RHEX: variants seen among roughly 807,000 people sequenced by gnomAD.
The protein encoded by RHEX is regulator of hemoglobinization and erythroid cell expansion protein.
In RHEX, 18 loss-of-function variants were observed where a neutral mutation model predicts 20.1. That is an observed-to-expected ratio of 0.90 (90% CI 0.62 to 1.33). The LOEUF (loss-of-function observed/expected upper bound fraction) is 1.33, where lower values mean the gene tolerates loss of function less well. Ranked by LOEUF, RHEX falls within the 40% of genes most tolerant of loss-of-function variation. The pLI, the probability that RHEX is intolerant of heterozygous loss-of-function variation, is 0.00. For synonymous variants in RHEX, 87 were observed against 77.1 expected, an observed-to-expected ratio of 1.13 and a Z score of -0.67; for missense variants, 192 against 214.3, an observed-to-expected ratio of 0.90 and a Z score of 0.65.
intron 1 of RHEX, among the ~76,000 whole-genome samples, chr1:206,054,812 G>A (rs1024878304): frequency 1.3e-5 from 2 of 152,200 alleles, no homozygotes; most frequent in Non-Finnish European, 2.9e-5. Flanking sequence ...AATCATACAA[G>A]AAACATTATT....
intron 1 of RHEX, among the ~76,000 whole-genome samples, chr1:206,077,309 G>A (rs1662653437): frequency 6.6e-6 from 1 of 152,206 alleles, no homozygotes; most frequent in Admixed American, 6.5e-5. Context: ...TTCAGAGTCT[G>A]TAAGTAAGCA....
intron 1 of RHEX, among the ~76,000 whole-genome samples, chr1:206,076,517 C>A (rs782012762): frequency 6.6e-6 from 1 of 152,206 alleles, no homozygotes; most frequent in South Asian, 2.1e-4. Context: ...CAGAGGCTCA[C>A]GCCCACGGCA....
rs533438710 is a variant in RHEX at position 206,062,639 on chromosome 1, G to A, written c.-97+9374G>A. On this transcript the variant is annotated intron_variant, in intron 1 of 5. Coordinates refer to ENST00000331555, the MANE Select transcript of RHEX (RefSeq NM_001007544.4). Reference sequence around the variant, plus strand: ...TGCCAGATGTGGAGGAGGAGGCATAGGGGGGCTGCAGGTGCCTGGGAAGTG... The same window carrying A: ...TGCCAGATGTGGAGGAGGAGGCATAAGGGGGCTGCAGGTGCCTGGGAAGTG... Among the ~76,000 whole-genome samples the A allele has an allele frequency of 2.0e-5, 3 of 146,720 alleles. No homozygotes were observed. In the East Asian group the frequency reaches 5.8e-4, roughly 28 times the overall value.
At chr1:206,071,973 G>A (rs1172238296) in intron 1 of RHEX, among the ~76,000 whole-genome samples, 2 of 152,086 alleles carry the variant, frequency 1.3e-5, no homozygotes, top group East Asian at 1.9e-4. Flanking sequence ...ATCAGTAGGC[G>A]TATTTTGCCA....
intron 1 of RHEX, among the ~76,000 whole-genome samples, chr1:206,074,047 C>A (rs28684505): frequency 0.13 from 19,234 of 152,074 alleles, 1,329 homozygotes; most frequent in South Asian, 0.2. Flanking sequence ...TCTATCTTGG[C>A]TGGCTCTCAG....
chr1:206,065,274 T>TAAAAAAA (rs59452601), intron 1 of RHEX, among the ~76,000 whole-genome samples: 4 of 141,726 alleles, frequency 2.8e-5, no homozygotes, highest in Non-Finnish European at 6.2e-5. Flanking sequence ...AATGATCAAT[T>TAAAAAAA]AAAAAAAAAA....
intron 1 of RHEX, among the ~76,000 whole-genome samples, chr1:206,086,329 TCTA>T (rs1280444253): frequency 6.6e-6 from 1 of 152,174 alleles, no homozygotes; most frequent in East Asian, 1.9e-4. Context: ...TGCCAGGCCC[TCTA>T]CTGAGCATTT....
chr1:206,064,613 G>C (rs1662383169), intron 1 of RHEX, among the ~76,000 whole-genome samples: 2 of 143,586 alleles, frequency 1.4e-5, no homozygotes, highest in African/African-American at 5.2e-5. Flanking sequence ...GAAGTGAGGA[G>C]CCCCTCTGCC....
Position 206,067,810 on chromosome 1 carries a change from C to T in RHEX, c.-97+14545C>T, listed in dbSNP as rs1553284305. Among the ~76,000 whole-genome samples the T allele has an allele frequency of 6.6e-6, 1 of 152,218 alleles. No homozygotes were observed. Among genetic ancestry groups the T allele is most frequent in the African/African-American group, 2.4e-5 (1 of 41,440 alleles). On this transcript the variant is annotated intron_variant, in intron 1 of 5. Coordinates refer to ENST00000331555, the MANE Select transcript of RHEX (RefSeq NM_001007544.4). This position sits in a 1 kb window ranked among gnomAD's most constrained non-coding sequence, Gnocchi z 4.6. The stretch of plus-strand genomic sequence containing the variant: ...CCATTGCCTCCTTGCAACATATTCT[C>T]CCTGTAATGAGCTTGCTTTCTTTAA...
At chr1:206,053,903 G>T (rs964269628) in intron 1 of RHEX, among the ~76,000 whole-genome samples, 7 of 152,224 alleles carry the variant, frequency 4.6e-5, no homozygotes, top group Non-Finnish European at 7.3e-5. Context: ...AGAAAAAAAG[G>T]CCATCTATAC....
At chr1:206,091,552 T>A (rs1018607760) in intron 1 of RHEX, among the ~76,000 whole-genome samples, 2 of 152,232 alleles carry the variant, frequency 1.3e-5, no homozygotes, top group Non-Finnish European at 2.9e-5. Context: ...ATCATAATTT[T>A]AAAAATTTGC....
intron 4 of RHEX, among the ~76,000 whole-genome samples, chr1:206,100,735 G>T (rs1382453717): frequency 6.6e-6 from 1 of 152,218 alleles, no homozygotes; most frequent in Non-Finnish European, 1.5e-5. Context: ...ACTAGAAGGT[G>T]TAACTTCTGA....
intron 1 of RHEX, among the ~76,000 whole-genome samples, chr1:206,057,180 T>G (rs1662210203): frequency 6.6e-6 from 1 of 152,364 alleles, no homozygotes; most frequent in East Asian, 1.9e-4. Flanking sequence ...AACTAAAAAT[T>G]TGTTTTTGCA....
At chr1:206,063,921 G>A (rs559943907) in intron 1 of RHEX, among the ~76,000 whole-genome samples, 1 of 151,006 alleles carries the variant, frequency 6.6e-6, no homozygotes, top group Non-Finnish European at 1.5e-5. Context: ...GTCTCTGCCC[G>A]GCCGCCATCC....
intron 1 of RHEX, among the ~76,000 whole-genome samples, chr1:206,066,293 TA>T (rs1210538311): frequency 6.6e-6 from 1 of 152,198 alleles, no homozygotes; most frequent in Non-Finnish European, 1.5e-5. Context: ...CTTTAAATTT[TA>T]AAAAAGGAGA....
rs1663150858 is a variant in RHEX, at chr1:206,099,772, T to A, written c.230T>A (p.Ile77Asn). Residue 77 changes from isoleucine to asparagine, a missense_variant, in exon 4 of 6, where the codon ATC becomes AAC. Coordinates refer to ENST00000331555, the MANE Select transcript of RHEX (RefSeq NM_001007544.4). ...AAGGAGACTCAGACAGAGAGAGACA[T>A]CCCAATGTCTGATTCCCTTTACAGG... ...EMKETQTERD[I>N]PMSDSLYRHD... 1 of 1,613,938 alleles carries A rather than the reference T, an allele frequency of 6.2e-7. No individual in the cohort carries two copies. The highest frequency in any genetic ancestry group is 1.3e-5 in the African/African-American group (1 of 74,896).
chr1:206,095,427 C>T (rs530270999), intron 1 of RHEX, among the ~76,000 whole-genome samples: 1 of 152,194 alleles, frequency 6.6e-6, no homozygotes, highest in South Asian at 2.1e-4. Flanking sequence ...GTTTTAAAGA[C>T]ATTGTCTCTG....
chr1:206,074,939 C>G (rs1210940068), intron 1 of RHEX, among the ~76,000 whole-genome samples: 1 of 152,238 alleles, frequency 6.6e-6, no homozygotes, highest in East Asian at 1.9e-4. Context: ...AGGGTAATAA[C>G]AGGGCCAGAC....
intron 1 of RHEX, among the ~76,000 whole-genome samples, chr1:206,069,407 T>C (rs1553284451): frequency 1.3e-5 from 2 of 152,200 alleles, no homozygotes; most frequent in African/African-American, 4.8e-5. Flanking sequence ...TGTAGATATA[T>C]AAAATAAAGA....
Sources: allele counts gnomAD v4.1 joint callset (sites outside exome capture counted in the v4.1 genomes callset), GRCh38; gene constraint gnomAD v4.1.1; non-coding constraint Gnocchi (gnomAD v3.1); transcripts MANE v1.5; gene names NCBI Gene and HGNC (gene_info 2026-07-23, HGNC 2026-07-21).